The following OSTN variants were observed in gnomAD, a reference collection of about 807,000 sequenced individuals.
The protein encoded by OSTN is osteocrin.
In OSTN, 9 loss-of-function variants were observed where a neutral mutation model predicts 12.0. That is an observed-to-expected ratio of 0.75 (90% CI 0.45 to 1.30). The LOEUF (loss-of-function observed/expected upper bound fraction) is 1.30, where lower values mean the gene tolerates loss of function less well. Among genes scored for constraint, OSTN ranks in the 50% most tolerant of loss-of-function variants. The probability of loss-of-function intolerance (pLI) is 0.00; values close to 1 mark genes in which losing one functional copy is unlikely to be tolerated. For missense variants in OSTN, 148 were observed against 152.3 expected (o/e 0.97, Z 0.15); for synonymous variants, 59 against 56.9 (o/e 1.04, Z -0.16).
At chr3:191,242,435 G>A (rs1026681069) in intron 3 of OSTN, among the ~76,000 whole-genome samples, 1 of 152,094 alleles carries the variant, frequency 6.6e-6, no homozygotes, top group African/African-American at 2.4e-5. Flanking sequence ...AGTCAAAGCA[G>A]CAATAGGATT....
chr3:191,215,300 G>C (rs1186584703), intron 2 of OSTN, among the ~76,000 whole-genome samples: 1 of 152,064 alleles, frequency 6.6e-6, no homozygotes. Context: ...TGACATGTGG[G>C]GATTATGGGG....
chr3:191,223,445 G>A (rs1039234012), intron 3 of OSTN, among the ~76,000 whole-genome samples: 4 of 152,196 alleles, frequency 2.6e-5, no homozygotes, highest in Non-Finnish European at 5.9e-5. Flanking sequence ...AAGAGAATGT[G>A]TTATAGTACA....
rs142593033 is a variant in OSTN, at chr3:191,215,347, G to A, written c.102+2713G>A. Among the ~76,000 whole-genome samples, 28 of 152,256 alleles carry A rather than the reference G, an allele frequency of 1.8e-4. 1 individual carries two copies. In the East Asian group the frequency reaches 5.2e-3, roughly 28 times the overall value. On this transcript the variant is annotated intron_variant, in intron 2 of 4. Coordinates refer to ENST00000682035, the MANE Select transcript of OSTN (RefSeq NM_198184.2). Reference sequence around the variant, plus strand: ...AGATGAGATTTTTGGTAGGGTCACAGCCAAACCATATCATTTTGCCACTTG... The same window carrying A: ...AGATGAGATTTTTGGTAGGGTCACAACCAAACCATATCATTTTGCCACTTG...
chr3:191,257,023 A>G (rs1715687465), intron 4 of OSTN, among the ~76,000 whole-genome samples: 1 of 151,888 alleles, frequency 6.6e-6, no homozygotes, highest in African/African-American at 2.4e-5. Context: ...TCTGTACAAA[A>G]AAGTTTTTTT....
At chr3:191,212,194 A>C (rs1714475986) in intron 1 of OSTN, among the ~76,000 whole-genome samples, 1 of 152,222 alleles carries the variant, frequency 6.6e-6, no homozygotes, top group Non-Finnish European at 1.5e-5. Context: ...ATTTCTCCTC[A>C]GTTACATATA....
intron 1 of OSTN, among the ~76,000 whole-genome samples, chr3:191,207,537 GCT>G (rs1325852545): frequency 6.6e-6 from 1 of 152,028 alleles, no homozygotes; most frequent in Non-Finnish European, 1.5e-5. Flanking sequence ...ATAGAAGTTT[GCT>G]CTTTCTTTTG....
intron 3 of OSTN, among the ~76,000 whole-genome samples, chr3:191,225,672 C>A (rs1449917158): frequency 6.6e-6 from 1 of 152,072 alleles, no homozygotes; most frequent in Non-Finnish European, 1.5e-5. Context: ...ATGTTCTTTG[C>A]AGCTACATGC....
intron 3 of OSTN, among the ~76,000 whole-genome samples, chr3:191,241,308 G>A (rs540535429): frequency 6.7e-6 from 1 of 149,920 alleles, no homozygotes; most frequent in African/African-American, 2.4e-5. Context: ...CCTACCTACC[G>A]AGTAGATGGG....
chr3:191,265,468 C>G lies in OSTN; in HGVS notation c.*2615C>G, dbSNP rs1339334389. The G allele has an allele frequency of 6.6e-6, 1 of 151,926 alleles. No individual in the cohort carries two copies. The highest frequency in any genetic ancestry group is 1.5e-5 in the Non-Finnish European group (1 of 67,956). 9.4% of individuals were successfully genotyped at this position (151,926 alleles called of 1,614,324 possible). On this transcript the variant is annotated 3_prime_UTR_variant, in exon 5 of 5. Transcript: ENST00000682035. The stretch of plus-strand genomic sequence containing the variant: ...CTTTAGGGAATTAAGTTTCTTAAAC[C>G]AAATTATGAAAAAATAACTTAATGG...
chr3:191,220,741 T>C (rs1352577612), intron 3 of OSTN, among the ~76,000 whole-genome samples: 1 of 152,208 alleles, frequency 6.6e-6, no homozygotes, highest in East Asian at 1.9e-4. Flanking sequence ...TGCCTTCTAA[T>C]AAATGTTATT....
intron 3 of OSTN, 74 bp from the exon 4 acceptor site, chr3:191,249,963 A>T: frequency 8.5e-7 from 1 of 1,172,018 alleles, no homozygotes; most frequent in Non-Finnish European, 1.3e-6. Context: ...CCAGAGCTAC[A>T]TAAAATAAAG....
chr3:191,218,827 ACTC>A lies in OSTN; in HGVS notation c.184_186del (p.Leu65del). On this transcript the variant is annotated inframe_deletion, in exon 3 of 5. Transcript: ENST00000682035. ...AATCAGCCACTGACCTGACAGCAAA[ACTC>A]TTGCTTCTTGATGAATTGGTGTCCC... The A allele has an allele frequency of 1.9e-6, 3 of 1,613,876 alleles. No individual in the cohort carries two copies. The highest frequency in any genetic ancestry group is 2.5e-6 in the Non-Finnish European group (3 of 1,179,948).
chr3:191,216,419 C>A lies in OSTN; in HGVS notation c.103-2328C>A, dbSNP rs796097190. 7.2e-5 allele frequency among the ~76,000 whole-genome samples: 11 copies of A among 152,376 alleles called. 1 individual carries two copies. Among genetic ancestry groups the A allele is most frequent in the African/African-American group, 2.6e-4 (11 of 41,594 alleles). ...GGCTCCTAGTTACTCATGCAAATTT[C>A]TGCTGCTGGATTAAATTTCTCCCCA... On this transcript the variant is annotated intron_variant, in intron 2 of 4. Transcript: ENST00000682035.
At chr3:191,208,511 C>T (rs1180647807) in intron 1 of OSTN, among the ~76,000 whole-genome samples, 1 of 152,190 alleles carries the variant, frequency 6.6e-6, no homozygotes, top group East Asian at 1.9e-4. Context: ...TGTATTTAAA[C>T]TCAGCATTTA....
intron 4 of OSTN, among the ~76,000 whole-genome samples, chr3:191,260,490 A>AG (rs910984028): frequency 5.9e-5 from 9 of 152,030 alleles, no homozygotes; most frequent in African/African-American, 1.9e-4. Flanking sequence ...CACAGTTGTG[A>AG]GGGGGGTGCC....
intron 2 of OSTN, among the ~76,000 whole-genome samples, chr3:191,215,226 A>G (rs1373505489): frequency 6.6e-6 from 1 of 152,164 alleles, no homozygotes; most frequent in Non-Finnish European, 1.5e-5. Flanking sequence ...AGAACTCACT[A>G]TCATGAGAAC....
chr3:191,264,376 GTACTTAGAATATA>G lies in OSTN; in HGVS notation c.*1526_*1538del, dbSNP rs565128845. The G allele has an allele frequency of 3.3e-5, 5 of 152,150 alleles. No individual in the cohort carries two copies. Among genetic ancestry groups the G allele is most frequent in the African/African-American group, 9.6e-5 (4 of 41,554 alleles). 9.4% of individuals were successfully genotyped at this position (152,150 alleles called of 1,614,324 possible). A position where few individuals can be genotyped will look rare whatever the true frequency, so the allele number is the denominator to read the frequency against. ...AAAGAGGTGAAAGAAATGAACATGT[GTACTTAGAATATA>G]TATATTGGTTTTGTATGTAACTTCT... On this transcript the variant is annotated 3_prime_UTR_variant, in exon 5 of 5. Transcript: ENST00000682035.
At chr3:191,200,098 G>A (rs1013388270) in intron 1 of OSTN, among the ~76,000 whole-genome samples, 5 of 152,166 alleles carry the variant, frequency 3.3e-5, no homozygotes, top group African/African-American at 1.2e-4. Context: ...TAACATTTTT[G>A]AGAATGAATT....
chr3:191,218,687 A>G (rs1714685138), intron 2 of OSTN, 60 bp from the exon 3 acceptor site: 2 of 1,379,414 alleles, frequency 1.4e-6, no homozygotes, highest in African/African-American at 1.4e-5. Context: ...CCAGATGCAT[A>G]TGTACATACT....
Sources: allele counts gnomAD v4.1 joint callset (sites outside exome capture counted in the v4.1 genomes callset), GRCh38; gene constraint gnomAD v4.1.1; transcripts MANE v1.5; gene names NCBI Gene and HGNC (gene_info 2026-07-23, HGNC 2026-07-21).